The following NRXN3 variants were observed in gnomAD, a reference collection of about 807,000 sequenced individuals.
The protein encoded by NRXN3 is neurexin III.
A neutral mutation model predicts 137.6 loss-of-function variants in NRXN3; 32 were observed. That is an observed-to-expected ratio of 0.23 (90% CI 0.18 to 0.31). The LOEUF (loss-of-function observed/expected upper bound fraction) is 0.31. Ranked by LOEUF, NRXN3 falls within the 10% of genes least tolerant of loss-of-function variation. NRXN3 has a pLI of 1.00. For missense variants in NRXN3, 1,574 were observed against 2,062.5 expected (o/e 0.76, Z 4.59); for synonymous variants, 798 against 784.5 (o/e 1.02, Z -0.29).
intron 4 of NRXN3, among the ~76,000 whole-genome samples, chr14:78,393,653 T>C (rs1371738305): frequency 6.6e-6 from 1 of 152,046 alleles, no homozygotes; most frequent in East Asian, 1.9e-4. Flanking sequence ...CCCAAAACAA[T>C]CTTGCTTGGA....
chr14:78,546,269 G>T (rs1020835850), intron 4 of NRXN3, among the ~76,000 whole-genome samples: 1 of 152,166 alleles, frequency 6.6e-6, no homozygotes, highest in Non-Finnish European at 1.5e-5. Context: ...GAAGTGTAAA[G>T]TGATATTTCA....
intron 4 of NRXN3, among the ~76,000 whole-genome samples, chr14:78,514,391 C>T (rs727208): frequency 4.6e-5 from 7 of 151,872 alleles, no homozygotes; most frequent in Non-Finnish European, 8.8e-5. Flanking sequence ...CATAGCCAAG[C>T]GATCAGAGGC....
chr14:79,222,606 T>A (rs566924081), intron 15 of NRXN3, among the ~76,000 whole-genome samples: 1 of 152,170 alleles, frequency 6.6e-6, no homozygotes, highest in Admixed American at 6.6e-5. Context: ...TGCCAAACTG[T>A]CTTTCAGTGT....
At position 78,882,687 on chromosome 14, in the gene NRXN3, A is replaced by G. The variant is rs149859534; in HGVS notation, c.2275+72343A>G. ...TTTTATTTTACAGTCTCATAGGTGG[A>G]AAGGACTTGCCTTGTCTCGGATGAG... On this transcript the variant is annotated intron_variant, in intron 10 of 20. Transcript: ENST00000335750. Among the ~76,000 whole-genome samples, 119 of 151,776 alleles carry G rather than the reference A, an allele frequency of 7.8e-4. 2 individuals carry two copies. In the East Asian group the frequency reaches 0.021, roughly 27 times the overall value.
intron 8 of NRXN3, among the ~76,000 whole-genome samples, chr14:78,769,101 GA>G (rs1213571668): frequency 6.6e-6 from 1 of 152,090 alleles, no homozygotes; most frequent in African/African-American, 2.4e-5. Flanking sequence ...GGTCCATTAA[GA>G]GTTACCTTAT....
chr14:78,323,282 A>T (rs1168827360), intron 4 of NRXN3, among the ~76,000 whole-genome samples: 1 of 152,028 alleles, frequency 6.6e-6, no homozygotes, highest in Non-Finnish European at 1.5e-5. Context: ...GAGGAGGAAC[A>T]GTAACACAGA....
chr14:78,785,513 C>A (rs1460667641), intron 8 of NRXN3, among the ~76,000 whole-genome samples: 1 of 152,182 alleles, frequency 6.6e-6, no homozygotes, highest in Non-Finnish European at 1.5e-5. Context: ...TCCCTGTAGA[C>A]TCATAAACTC....
At chr14:78,261,383 C>T (rs2070699814) in intron 2 of NRXN3, among the ~76,000 whole-genome samples, 1 of 152,180 alleles carries the variant, frequency 6.6e-6, no homozygotes, top group South Asian at 2.1e-4. Context: ...GCTTTTTATT[C>T]TGTTGTCTTA....
chr14:78,806,592 T>G (rs547539647), intron 9 of NRXN3, among the ~76,000 whole-genome samples: 4 of 152,342 alleles, frequency 2.6e-5, no homozygotes, highest in African/African-American at 9.6e-5. Flanking sequence ...TATAAAAGCC[T>G]AGTATATATT....
At chr14:78,532,692 C>T (rs1002492608) in intron 4 of NRXN3, among the ~76,000 whole-genome samples, 8 of 151,964 alleles carry the variant, frequency 5.3e-5, no homozygotes, top group Non-Finnish European at 1.0e-4. Flanking sequence ...CTTTCTTTGA[C>T]GCCACATCTC....
At chr14:78,195,381 T>C (rs1287798921) in intron 1 of NRXN3, among the ~76,000 whole-genome samples, 1 of 152,192 alleles carries the variant, frequency 6.6e-6, no homozygotes, top group Non-Finnish European at 1.5e-5. Flanking sequence ...GATGTAGCAC[T>C]CAAGGCACCA....
intron 10 of NRXN3, among the ~76,000 whole-genome samples, chr14:78,949,462 T>G (rs1406008637): frequency 6.6e-6 from 1 of 152,200 alleles, no homozygotes; most frequent in African/African-American, 2.4e-5. Flanking sequence ...TTATTTAATT[T>G]ATTCAGTTTT....
chr14:79,635,134 G>T (rs889134999), intron 16 of NRXN3, among the ~76,000 whole-genome samples: 3 of 152,164 alleles, frequency 2.0e-5, no homozygotes, highest in Non-Finnish European at 4.4e-5. Flanking sequence ...TAATTGCCCA[G>T]ATTTGATCAT....
intron 4 of NRXN3, among the ~76,000 whole-genome samples, chr14:78,633,512 A>G (rs1006160143): frequency 3.3e-5 from 5 of 152,034 alleles, no homozygotes; most frequent in African/African-American, 1.2e-4. Context: ...TCTTTCATTT[A>G]ATTATTTCAG....
At chr14:78,405,696 G>A (rs1465020372) in intron 4 of NRXN3, among the ~76,000 whole-genome samples, 2 of 152,170 alleles carry the variant, frequency 1.3e-5, no homozygotes, top group African/African-American at 2.4e-5. Context: ...GTGGACAGAT[G>A]CTATGCTTGC....
chr14:79,285,182 A>G (rs533683655), intron 15 of NRXN3, among the ~76,000 whole-genome samples: 5 of 152,170 alleles, frequency 3.3e-5, no homozygotes, highest in Non-Finnish European at 7.4e-5. Context: ...ACAAAAAACA[A>G]GACGCACACA....
chr14:78,706,963 A>G (rs1009247571), intron 6 of NRXN3, among the ~76,000 whole-genome samples: 1 of 152,088 alleles, frequency 6.6e-6, no homozygotes, highest in African/African-American at 2.4e-5. Context: ...ACTTTGTCTC[A>G]CAGATATGGA....
At chr14:78,911,085 A>G (rs978949456) in intron 10 of NRXN3, among the ~76,000 whole-genome samples, 12 of 152,216 alleles carry the variant, frequency 7.9e-5, no homozygotes, top group Non-Finnish European at 1.6e-4. Flanking sequence ...TAACAATAAC[A>G]TTATGCATGC....
intron 15 of NRXN3, among the ~76,000 whole-genome samples, chr14:79,264,225 G>T (rs2078083620): frequency 6.6e-6 from 1 of 151,956 alleles, no homozygotes; most frequent in African/African-American, 2.4e-5. Flanking sequence ...GGTAGCTGGG[G>T]TTACAGAAGC....
Sources: allele counts gnomAD v4.1 joint callset (sites outside exome capture counted in the v4.1 genomes callset), GRCh38; gene constraint gnomAD v4.1.1; transcripts MANE v1.5; gene names NCBI Gene and HGNC (gene_info 2026-07-23, HGNC 2026-07-21).